BLTP1: variants seen among roughly 807,000 people sequenced by gnomAD.
The protein encoded by BLTP1 is fragile site-associated protein.
chr4:122,183,079 TA>T, the BLTP1 span: 1 of 937,668 alleles, frequency 1.1e-6, no homozygotes, highest in Non-Finnish European at 1.3e-6. Flanking sequence ...CTCACACTGG[TA>T]ATCCCAGCAC....
the BLTP1 span, among the ~76,000 whole-genome samples, chr4:122,335,150 T>C: frequency 1.3e-5 from 2 of 151,982 alleles, no homozygotes; most frequent in Non-Finnish European, 2.9e-5. Flanking sequence ...CTTCCCTTCC[T>C]CTCATGTGGG....
the BLTP1 span, chr4:122,313,874 T>TATAAATATATACATATATATATAC: frequency 1.2e-5 from 2 of 169,518 alleles, no homozygotes; most frequent in African/African-American, 2.4e-5. Context: ...TATATATATA[T>TATAAATATATACATATATATATAC]ATAAATATAT....
At chr4:122,238,319 C>G in the BLTP1 span, 1 of 1,614,030 alleles carries the variant, frequency 6.2e-7, no homozygotes, top group Non-Finnish European at 8.5e-7. Flanking sequence ...AGAGTTCTTG[C>G]ATGGGACAAA....
chr4:122,224,840 A>C, the BLTP1 span: 1 of 1,527,926 alleles, frequency 6.5e-7, no homozygotes, highest in Middle Eastern at 1.7e-4. Flanking sequence ...TTATAGGTGA[A>C]TCAGAGACAA....
the BLTP1 span, among the ~76,000 whole-genome samples, chr4:122,338,622 C>A: frequency 6.6e-6 from 1 of 151,672 alleles, no homozygotes. Flanking sequence ...AGGACTACCC[C>A]TGCCCCCTAC....
chr4:122,242,947 A>T, the BLTP1 span: 1 of 1,124,160 alleles, frequency 8.9e-7, no homozygotes, highest in Non-Finnish European at 1.3e-6. Context: ...TTGATATCAT[A>T]AAATTAGGGA....
chr4:122,280,096 T>C, the BLTP1 span: 1 of 1,549,992 alleles, frequency 6.5e-7, no homozygotes, highest in Non-Finnish European at 8.7e-7. Flanking sequence ...GTATCGACCA[T>C]TATGGACAGT....
At chr4:122,250,597 A>T in the BLTP1 span, 1 of 1,600,950 alleles carries the variant, frequency 6.2e-7, no homozygotes, top group Non-Finnish European at 8.6e-7. Context: ...TAATAGTAAT[A>T]ATAATGGTGC....
the BLTP1 span, among the ~76,000 whole-genome samples, chr4:122,341,276 CA>C: frequency 6.6e-6 from 1 of 152,246 alleles, no homozygotes; most frequent in South Asian, 2.1e-4. Context: ...ACACTCTCAT[CA>C]CAGTGTGTAT....
chr4:122,209,331 A>G, the BLTP1 span: 1 of 1,611,354 alleles, frequency 6.2e-7, no homozygotes, highest in East Asian at 2.2e-5. Context: ...AACGTTACTC[A>G]GGAAAAGTGA....
the BLTP1 span, chr4:122,220,260 A>G: frequency 1.3e-6 from 2 of 1,505,456 alleles, no homozygotes; most frequent in African/African-American, 1.4e-5. Flanking sequence ...GACAGATGTA[A>G]TTTTTATTTT....
At chr4:122,223,013 T>C in the BLTP1 span, 3 of 902,100 alleles carry the variant, frequency 3.3e-6, no homozygotes, top group Non-Finnish European at 4.0e-6. Context: ...CTGAGAATTA[T>C]TGAGTCTCAG....
chr4:122,263,150 G>C, the BLTP1 span: 1 of 968,286 alleles, frequency 1.0e-6, no homozygotes, highest in Non-Finnish European at 1.2e-6. Flanking sequence ...TAACTTTTCG[G>C]AGTCTTCATG....
chr4:122,170,172 G>T, the BLTP1 span: 1 of 306,784 alleles, frequency 3.3e-6, no homozygotes, highest in African/African-American at 2.3e-5. Flanking sequence ...CAGGCGTGGT[G>T]ACGCATGCCT....
At chr4:122,235,032 A>G in the BLTP1 span, 3 of 1,589,448 alleles carry the variant, frequency 1.9e-6, no homozygotes, top group East Asian at 6.7e-5. Flanking sequence ...TGGTAATAAA[A>G]TGTTTCGTCA....
the BLTP1 span, among the ~76,000 whole-genome samples, chr4:122,291,267 G>A: frequency 6.6e-6 from 1 of 152,328 alleles, no homozygotes; most frequent in Non-Finnish European, 1.5e-5. Context: ...TAGCTAAAGT[G>A]TAAATCACAT....
the BLTP1 span, chr4:122,299,009 C>A: frequency 1.0e-6 from 1 of 985,250 alleles, no homozygotes; most frequent in Non-Finnish European, 1.2e-6. Context: ...TTTATACTTG[C>A]GTTCAGGAAA....
At chr4:122,152,791 G>C in the BLTP1 span, among the ~76,000 whole-genome samples, 1 of 152,182 alleles carries the variant, frequency 6.6e-6, no homozygotes, top group African/African-American at 2.4e-5. Context: ...AGTCTGGAAG[G>C]GCCATGGCAG....
the BLTP1 span, chr4:122,346,932 G>A: frequency 1.2e-6 from 1 of 860,790 alleles, no homozygotes. Flanking sequence ...TTAGCACTGA[G>A]GATATATCAG....
Sources: gnomAD v4.1 joint callset for allele counts (sites outside exome capture counted in the v4.1 genomes callset) on GRCh38, gnomAD v4.1.1 for gene constraint, MANE v1.5 for transcripts, NCBI Gene and HGNC (gene_info 2026-07-23, HGNC 2026-07-21) for gene names.